The following COL2A1 variants were observed in gnomAD, a reference collection of about 807,000 sequenced individuals.
The protein encoded by COL2A1 is collagen type II alpha 1 chain, also known as collagen alpha-1(II) chain.
In COL2A1, 28 loss-of-function variants were observed where a neutral mutation model predicts 204.5. The observed-to-expected ratio is 0.14, with a 90% CI of 0.10 to 0.19. The LOEUF (loss-of-function observed/expected upper bound fraction) is 0.19. Among genes scored for constraint, COL2A1 ranks in the 10% least tolerant of loss-of-function variants. COL2A1 has a pLI of 1.00. For missense variants in COL2A1, 1,388 were observed against 2,027.5 expected, an observed-to-expected ratio of 0.68 and a Z score of 6.06; for synonymous variants, 708 against 718.7, an observed-to-expected ratio of 0.99 and a Z score of 0.24.
intron 52 of COL2A1, 110 bp downstream of exon 52, chr12:47,974,565 A>G: frequency 7.3e-7 from 1 of 1,369,116 alleles, no homozygotes; most frequent in Non-Finnish European, 1.0e-6. Flanking sequence ...CAAGCCCAAC[A>G]GAAAACTGGA....
chr12:47,995,430 G>T (rs905444083), intron 10 of COL2A1, 122 bp from the exon 11 acceptor site: 5 of 940,102 alleles, frequency 5.3e-6, no homozygotes, highest in Non-Finnish European at 3.5e-6. Context: ...AGATGGGAAG[G>T]TCAGAGCAAA....
Position 47,987,007 on chromosome 12 carries a change from T to C in COL2A1, c.1365+71A>G. The C allele has an allele frequency of 6.3e-7, 1 of 1,580,234 alleles. No homozygotes were observed. The highest frequency in any genetic ancestry group is 1.1e-5 in the South Asian group (1 of 90,430). Reference sequence around the variant, plus strand: ...GCTGTGAGGCCAGGGCAGGAGAGCATGGGAAAGAGGGGTGATGGGGTTTGA... The same window carrying C: ...GCTGTGAGGCCAGGGCAGGAGAGCACGGGAAAGAGGGGTGATGGGGTTTGA... On this transcript the variant is annotated intron_variant, in intron 21 of 53. Transcript: ENST00000380518. This position sits in a 1 kb window ranked among gnomAD's most constrained non-coding sequence, Gnocchi z 4.1.
At chr12:47,982,194 G>T in intron 34 of COL2A1, 34 bp from the exon 35 acceptor site, 1 of 1,592,976 alleles carries the variant, frequency 6.3e-7, no homozygotes, top group South Asian at 1.1e-5. Flanking sequence ...CCTCAGCCAG[G>T]CACCCCAGGA....
rs1938968258 is a variant in COL2A1 at position 47,980,147 on chromosome 12, G to A, written c.2626-85C>T. 7.9e-7 allele frequency: 1 copy of A among 1,264,496 alleles called. No homozygotes were observed. 78.3% of individuals were successfully genotyped at this position (1,264,496 alleles called of 1,614,324 possible). Reference sequence around the variant, plus strand: ...GTCTGAGCCCCAACAATGGACCCCTGAGGTTTTCGAAGATGCAGCTTTCTT... The same window carrying A: ...GTCTGAGCCCCAACAATGGACCCCTAAGGTTTTCGAAGATGCAGCTTTCTT... On this transcript the variant is annotated intron_variant, in intron 39 of 53. Coordinates refer to ENST00000380518, the MANE Select transcript of COL2A1 (RefSeq NM_001844.5). The surrounding 1 kb of genome is among the most constrained non-coding windows in gnomAD (Gnocchi z 4.5).
At position 47,975,443 on chromosome 12, in the gene COL2A1, C is replaced by G. The variant is rs373684149; in HGVS notation, c.3760G>C (p.Glu1254Gln). Residue 1254 changes from glutamate to glutamine, a missense_variant, in exon 51 of 54, where the codon GAG (glutamate) becomes CAG (glutamine). By Grantham distance (29) the Glu-to-Gln change is conservative. Coordinates refer to ENST00000380518, the MANE Select transcript of COL2A1 (RefSeq NM_001844.5). ...AGGGACTTGAGTGTGGCATCCACCT[C>G]GGCGTCATGCTGTCTCAGGCCACCG... ...AAGGLRQHDA[E>Q]VDATLKSLNN... The G allele has an allele frequency of 1.9e-6, 3 of 1,614,134 alleles. No individual in the cohort carries two copies. Among genetic ancestry groups the G allele is most frequent in the Non-Finnish European group, 2.5e-6 (3 of 1,180,040 alleles).
Position 47,981,346 on chromosome 12 carries a change from A to G in COL2A1, c.2460T>C (p.Ala820=), listed in dbSNP as rs1174237324. The change falls in exon 37 of 54, where the codon GCT becomes GCC. Residue 820 remains alanine (A), a synonymous_variant. Coordinates refer to ENST00000380518, the MANE Select transcript of COL2A1 (RefSeq NM_001844.5). The part of the protein sequence containing the change: ...GPAGSAGARG[A]PGERGETGPP... Reference sequence around the variant, plus strand: ...GCTCAGAGGGGCAGACACTCACCGGAGCGCCACGAGCACCAGCACTTCCTG... The same window carrying G: ...GCTCAGAGGGGCAGACACTCACCGGGGCGCCACGAGCACCAGCACTTCCTG... 1 of 1,612,768 alleles carries G rather than the reference A, an allele frequency of 6.2e-7. No homozygotes were observed. The highest frequency in any genetic ancestry group is 2.2e-5 in the East Asian group (1 of 44,876).
intron 2 of COL2A1, 98 bp downstream of exon 2, chr12:47,999,821 C>T: frequency 9.6e-7 from 1 of 1,042,420 alleles, no homozygotes. Flanking sequence ...GATAACTAGC[C>T]CCTCTGCTTT....
chr12:47,984,248 G>A (rs559718782), intron 28 of COL2A1, 108 bp from the exon 29 acceptor site: 19 of 1,014,972 alleles, frequency 1.9e-5, no homozygotes, highest in African/African-American at 1.3e-4. Flanking sequence ...AGACCTCCAC[G>A]GTACCCCAGC....
At chr12:48,002,177 T>C (rs192781200) in intron 1 of COL2A1, among the ~76,000 whole-genome samples, 3 of 152,294 alleles carry the variant, frequency 2.0e-5, no homozygotes, top group Non-Finnish European at 4.4e-5. Flanking sequence ...AAGCCATCGC[T>C]GCCAATCTCC....
Position 47,997,638 on chromosome 12 carries a change from G to A in COL2A1, c.499C>T (p.Pro167Ser). 1 of 1,613,736 alleles carries A rather than the reference G, an allele frequency of 6.2e-7. No individual in the cohort carries two copies. Among genetic ancestry groups the A allele is most frequent in the Non-Finnish European group, 8.5e-7 (1 of 1,179,830 alleles). The change falls in exon 7 of 54, where the codon CCC becomes TCC. Residue 167 changes from proline to serine, a missense_variant. Transcript: ENST00000380518. The part of the protein sequence containing the change: ...TPGNPGPPGP[P>S]GPPGPPGLGG... ...AGACCAGGGGGACCAGGGGGGCCGG[G>A]AGGACCAGGGGGGCCAGGATTTCCA...
At chr12:48,000,840 G>A (rs1158256172) in intron 1 of COL2A1, 1 of 152,536 alleles carries the variant, frequency 6.6e-6, no homozygotes, top group Non-Finnish European at 1.5e-5. Flanking sequence ...TACACTTGGG[G>A]CTTGGGCAGG....
chr12:48,004,666 T>G, upstream of COL2A1: 1 of 197,044 alleles, frequency 5.1e-6, no homozygotes, highest in Non-Finnish European at 1.0e-5. Context: ...GGAGTCACGC[T>G]TCCCGCCCTC....
intron 51 of COL2A1, 121 bp downstream of exon 51, chr12:47,975,196 T>G: frequency 1.6e-6 from 2 of 1,285,422 alleles, no homozygotes; most frequent in Non-Finnish European, 2.2e-6. Context: ...AGAGGAACCC[T>G]CTGGCGGAAA....
Position 47,987,551 on chromosome 12 carries a change from T to A in COL2A1, c.1221+60A>T, listed in dbSNP as rs1210359290. ...ACAACTGTCAGAGCAAAGTACAGAG[T>A]CAAGAGTTCCAAAGCCACAGACCCC... is the stretch of plus-strand genomic sequence containing the variant. On this transcript the variant is annotated intron_variant, in intron 19 of 53. Coordinates refer to ENST00000380518, the MANE Select transcript of COL2A1 (RefSeq NM_001844.5). This position sits in a 1 kb window ranked among gnomAD's most constrained non-coding sequence, Gnocchi z 4.1. The A allele has an allele frequency of 4.2e-6, 6 of 1,438,270 alleles. No individual in the cohort carries two copies. Among genetic ancestry groups the A allele is most frequent in the Non-Finnish European group, 5.8e-6 (6 of 1,037,534 alleles). 89.1% of individuals were successfully genotyped at this position (1,438,270 alleles called of 1,614,324 possible). A position where few individuals can be genotyped will look rare whatever the true frequency, so the allele number is the denominator to read the frequency against.
intron 26 of COL2A1, among the ~76,000 whole-genome samples, 160 bp from the exon 27 acceptor site, chr12:47,985,253 C>T (rs141048693): frequency 6.6e-6 from 1 of 152,200 alleles, no homozygotes; most frequent in African/African-American, 2.4e-5. Context: ...CCATCTACAA[C>T]AAGACACCGC....
intron 41 of COL2A1, among the ~76,000 whole-genome samples, chr12:47,979,202 C>A (rs909052303): frequency 2.0e-5 from 3 of 152,152 alleles, no homozygotes; most frequent in African/African-American, 7.2e-5. Flanking sequence ...TGCGGACTTG[C>A]TTTAAAGCAC....
At chr12:48,004,491 G>T (rs41317879), upstream of COL2A1, 296 of 545,740 alleles carry the variant, frequency 5.4e-4, 1 homozygote, top group African/African-American at 5.1e-3. Context: ...TCTCCCCGCC[G>T]CGGCGCCCGT....
chr12:47,999,844 A>G, intron 2 of COL2A1, 75 bp downstream of exon 2: 2 of 1,333,828 alleles, frequency 1.5e-6, no homozygotes, highest in Non-Finnish European at 2.2e-6. Flanking sequence ...AGAGACGACC[A>G]GCATCTATGG....
chr12:48,004,554 G>GC, upstream of COL2A1: 1 of 469,754 alleles, frequency 2.1e-6, no homozygotes. Flanking sequence ...ACCGCGGGCC[G>GC]CCCCCTGCCC....
Sources: gnomAD v4.1 joint callset for allele counts (sites outside exome capture counted in the v4.1 genomes callset) on GRCh38, gnomAD v4.1.1 for gene constraint, Gnocchi (gnomAD v3.1) non-coding constraint, MANE v1.5 for transcripts, NCBI Gene and HGNC (gene_info 2026-07-23, HGNC 2026-07-21) for gene names.